Variants in ADK observed in about 807,000 individuals in gnomAD.
The protein encoded by ADK is adenosine kinase.
Under a neutral mutation model 44.7 loss-of-function variants are expected in ADK, and 24 were observed. The ratio of observed to expected loss-of-function variants is 0.54; its 90% CI spans 0.39 to 0.76. The LOEUF (loss-of-function observed/expected upper bound fraction) is 0.76, where lower values mean the gene tolerates loss of function less well. Ranked by LOEUF, ADK falls within the 30% of genes least tolerant of loss-of-function variation. The pLI is 0.00. For synonymous variants in ADK, 128 were observed against 142.6 expected (o/e 0.90, Z 0.73); for missense variants, 321 against 425.1 (o/e 0.76, Z 2.15).
At chr10:74,618,433 G>A (rs1257365683) in intron 9 of ADK, among the ~76,000 whole-genome samples, 1 of 152,154 alleles carries the variant, frequency 6.6e-6, no homozygotes. Flanking sequence ...TGGGATTACA[G>A]GCATGCGCCA....
chr10:74,476,267 G>A (rs970265590), intron 6 of ADK, among the ~76,000 whole-genome samples: 25 of 152,146 alleles, frequency 1.6e-4, no homozygotes, highest in African/African-American at 5.6e-4. Context: ...GCTGAGGCGG[G>A]CAGATCACCT....
chr10:74,481,272 T>C (rs1467847338), intron 6 of ADK, among the ~76,000 whole-genome samples: 2 of 152,212 alleles, frequency 1.3e-5, no homozygotes, highest in Non-Finnish European at 2.9e-5. Flanking sequence ...GATTTTGAAC[T>C]GTTTTTCTGT....
intron 7 of ADK, among the ~76,000 whole-genome samples, chr10:74,576,376 A>G (rs191368377): frequency 1.4e-4 from 22 of 152,268 alleles, no homozygotes; most frequent in Admixed American, 5.2e-4. Context: ...AAAGACCTAA[A>G]AGAAAAATAT....
chr10:74,644,560 G>A (rs913141516), intron 9 of ADK, among the ~76,000 whole-genome samples: 4 of 152,132 alleles, frequency 2.6e-5, no homozygotes, highest in African/African-American at 9.7e-5. Flanking sequence ...TTGAGGCAGG[G>A]TCTTGCTCTG....
intron 6 of ADK, among the ~76,000 whole-genome samples, chr10:74,485,177 G>T (rs987476225): frequency 1.3e-5 from 2 of 151,972 alleles, no homozygotes; most frequent in African/African-American, 4.8e-5. Flanking sequence ...CAAAATTTTA[G>T]TAATCAATAT....
At chr10:74,419,865 A>G (rs890260994) in intron 6 of ADK, among the ~76,000 whole-genome samples, 10 of 152,188 alleles carry the variant, frequency 6.6e-5, no homozygotes, top group African/African-American at 1.9e-4. Context: ...TGCATTTTAG[A>G]AAAAAAGAAC....
At chr10:74,602,130 GAA>G (rs749773831) in intron 9 of ADK, among the ~76,000 whole-genome samples, 150 of 73,558 alleles carry the variant, frequency 2.0e-3, no homozygotes, top group Non-Finnish European at 3.0e-3. Flanking sequence ...AAAAAAAAAA[GAA>G]CGGAGGGCAA....
intron 3 of ADK, among the ~76,000 whole-genome samples, chr10:74,250,130 G>A (rs1405547124): frequency 6.6e-6 from 1 of 152,152 alleles, no homozygotes. Flanking sequence ...ACCTGGCCCT[G>A]AAAAAAATTC....
intron 3 of ADK, among the ~76,000 whole-genome samples, chr10:74,276,446 T>C (rs560197454): frequency 6.6e-6 from 1 of 152,338 alleles, no homozygotes; most frequent in East Asian, 1.9e-4. Context: ...AAGGGTGTAT[T>C]AATTTTCTGT....
chr10:74,321,493 G>A (rs909580658), intron 4 of ADK, among the ~76,000 whole-genome samples: 5 of 151,710 alleles, frequency 3.3e-5, no homozygotes, highest in African/African-American at 1.2e-4. Flanking sequence ...CATATTAACC[G>A]GGCTGGTCTT....
chr10:74,238,137 G>T (rs562239845), intron 3 of ADK, among the ~76,000 whole-genome samples: 3 of 152,222 alleles, frequency 2.0e-5, no homozygotes, highest in African/African-American at 4.8e-5. Flanking sequence ...AGGATTACAG[G>T]CATGAGCCAC....
chr10:74,540,769 G>A (rs780514031), intron 7 of ADK, among the ~76,000 whole-genome samples: 1 of 151,884 alleles, frequency 6.6e-6, no homozygotes, highest in South Asian at 2.1e-4. Flanking sequence ...AAAAATTATT[G>A]TTTATTAAAA....
rs1843615089 is a variant in ADK, at chr10:74,206,852, G to C, written c.140+6014G>C. Among the ~76,000 whole-genome samples, 2 of 152,182 alleles carry C rather than the reference G, an allele frequency of 1.3e-5. 1 individual carries two copies. The highest frequency in any genetic ancestry group is 1.3e-4 in the Admixed American group (2 of 15,278). ...GTGTGATGATGTCACAGGATCCTTA[G>C]GGTGTCGCTTTTCCAGCCAGAAGCC... On this transcript the variant is annotated intron_variant, in intron 2 of 10. Transcript: ENST00000539909.
In ADK at chr10:74,619,822, G is replaced by A. The variant is rs560185123; in HGVS notation, c.877+19329G>A. 1.1e-3 allele frequency among the ~76,000 whole-genome samples: 162 copies of A among 152,282 alleles called. No individual in the cohort carries two copies. The Middle Eastern group carries it at 0.017, about 16-fold the overall frequency. ...TGCAACCCGTATCTTGCAGGCTCAA[G>A]AGATTTTCCCAACTCGGCCTCCTGA... On this transcript the variant is annotated intron_variant, in intron 9 of 10. Transcript: ENST00000539909.
At chr10:74,319,465 T>G (rs1460323626) in intron 4 of ADK, among the ~76,000 whole-genome samples, 1 of 152,176 alleles carries the variant, frequency 6.6e-6, no homozygotes, top group Admixed American at 6.5e-5. Flanking sequence ...TGTCTTCTTA[T>G]AAGGACACCA....
chr10:74,171,808 C>CTGTGTGTGTGTG lies in ADK; in HGVS notation c.65+20466_65+20467insGTGTGTGTGTGT, dbSNP rs548797359. 6.7e-4 allele frequency among the ~76,000 whole-genome samples: 95 copies of CTGTGTGTGTGTG among 142,614 alleles called. 1 individual carries two copies. The highest frequency in any genetic ancestry group is 2.5e-3 in the African/African-American group (88 of 35,504). The allele number at this position is 142,614 out of a possible 152,430, so 93.6% of individuals were successfully genotyped here. A position where few individuals can be genotyped will look rare whatever the true frequency, so the allele number is the denominator to read the frequency against. On this transcript the variant is annotated intron_variant, in intron 1 of 10. Coordinates refer to ENST00000539909, the MANE Select transcript of ADK (RefSeq NM_006721.4). ...ACTCTCTTTCTGTCTCTCTCTGTCT[C>CTGTGTGTGTGTG]TCTGTGTGTGTGTGTGTGTGTGTGT...
At chr10:74,580,487 A>G (rs1851336307) in intron 7 of ADK, among the ~76,000 whole-genome samples, 1 of 151,968 alleles carries the variant, frequency 6.6e-6, no homozygotes, top group Non-Finnish European at 1.5e-5. Flanking sequence ...AGGCAGGAGA[A>G]TTGCTTGAAC....
intron 6 of ADK, among the ~76,000 whole-genome samples, chr10:74,519,170 A>G (rs962083841): frequency 2.8e-4 from 42 of 152,108 alleles, no homozygotes; most frequent in African/African-American, 9.6e-4. Flanking sequence ...CCTTCTTTTC[A>G]TAGTACATCT....
intron 3 of ADK, among the ~76,000 whole-genome samples, chr10:74,307,311 T>C (rs2132542571): frequency 6.6e-6 from 1 of 152,358 alleles, no homozygotes; most frequent in East Asian, 1.9e-4. Context: ...AAATGTGTTT[T>C]GGGGCAAACT....
Sources: allele counts gnomAD v4.1 joint callset (sites outside exome capture counted in the v4.1 genomes callset), GRCh38; gene constraint gnomAD v4.1.1; transcripts MANE v1.5; gene names NCBI Gene and HGNC (gene_info 2026-07-23, HGNC 2026-07-21).